ZFPM1: variants seen among roughly 807,000 people sequenced by gnomAD.
ZFPM1 encodes zinc finger protein ZFPM1.
Under a neutral mutation model 46.3 loss-of-function variants are expected in ZFPM1, and 28 were observed. That is an observed-to-expected ratio of 0.60 (90% CI 0.45 to 0.83). The LOEUF (loss-of-function observed/expected upper bound fraction) is 0.83. ZFPM1 is among the 40% of genes least tolerant of loss of function. The pLI is 0.00. For synonymous variants in ZFPM1, 957 were observed against 675.9 expected (o/e 1.42, Z -6.45); for missense variants, 1,878 against 1,432.4 (o/e 1.31, Z -5.02).
chr16:88,489,982 C>T (rs1042685634), intron 3 of ZFPM1, among the ~76,000 whole-genome samples: 2 of 147,588 alleles, frequency 1.4e-5, no homozygotes, highest in Non-Finnish European at 3.0e-5. Flanking sequence ...CAAGGTCCCC[C>T]GTGGAGGAGG....
At chr16:88,527,410 C>T (rs1245249425) in intron 5 of ZFPM1, among the ~76,000 whole-genome samples, 1 of 152,140 alleles carries the variant, frequency 6.6e-6, no homozygotes, top group Non-Finnish European at 1.5e-5. Flanking sequence ...GGGTGGCCTG[C>T]ACCTCCGAGC....
At chr16:88,523,605 G>C (rs77149258) in intron 4 of ZFPM1, among the ~76,000 whole-genome samples, 6,376 of 152,268 alleles carry the variant, frequency 0.042, 180 homozygotes, top group Middle Eastern at 0.082. Flanking sequence ...CCTGTCCCCT[G>C]AGAGGTGTCA....
At chr16:88,518,609 A>T (rs1197500590) in intron 4 of ZFPM1, among the ~76,000 whole-genome samples, 1 of 142,210 alleles carries the variant, frequency 7.0e-6, no homozygotes, top group African/African-American at 2.7e-5. Context: ...TAGCTGGTGG[A>T]TAAGTGGATG....
intron 1 of ZFPM1, among the ~76,000 whole-genome samples, chr16:88,474,956 C>A (rs75065430): frequency 7.2e-5 from 11 of 152,362 alleles, no homozygotes; most frequent in Admixed American, 2.0e-4. Context: ...CAGAGCCAGT[C>A]GCCAGCTAGA....
intron 3 of ZFPM1, among the ~76,000 whole-genome samples, chr16:88,489,631 G>T (rs1162735082): frequency 1.3e-5 from 2 of 152,228 alleles, no homozygotes; most frequent in Admixed American, 6.5e-5. Flanking sequence ...CAGCCTATGG[G>T]GACGGAGTCC....
chr16:88,503,605 G>T (rs75874899), intron 3 of ZFPM1, among the ~76,000 whole-genome samples: 2 of 151,904 alleles, frequency 1.3e-5, no homozygotes, highest in African/African-American at 4.8e-5. Flanking sequence ...GTGGAGCCAG[G>T]TCCTCTCTGA....
At chr16:88,460,941 A>AGGACCCAGGGG (rs1907803288) in intron 1 of ZFPM1, among the ~76,000 whole-genome samples, 2 of 54,670 alleles carry the variant, frequency 3.7e-5, no homozygotes, top group Admixed American at 2.4e-4. Flanking sequence ...AGGCCTGGTG[A>AGGACCCAGGGG]TGACCGAGGG....
chr16:88,516,231 A>T (rs1418970837), intron 4 of ZFPM1: 1 of 398,478 alleles, frequency 2.5e-6, no homozygotes, highest in Non-Finnish European at 4.4e-6. Flanking sequence ...AAGCTCCTTA[A>T]TGGTAGGGCT....
chr16:88,486,657 C>A (rs957968968), intron 2 of ZFPM1, among the ~76,000 whole-genome samples: 1 of 146,668 alleles, frequency 6.8e-6, no homozygotes, highest in Non-Finnish European at 1.5e-5. Context: ...TGGATCGGTC[C>A]TGGGTGCACA....
intron 4 of ZFPM1, among the ~76,000 whole-genome samples, chr16:88,523,461 G>A (rs1280500464): frequency 1.3e-5 from 2 of 152,208 alleles, no homozygotes; most frequent in African/African-American, 4.8e-5. Flanking sequence ...TGGCTCCCAG[G>A]ATGGGCGGGT....
chr16:88,509,687 A>G (rs58282231), intron 3 of ZFPM1, among the ~76,000 whole-genome samples: 27,515 of 151,876 alleles, frequency 0.18, 3,330 homozygotes, highest in African/African-American at 0.34. Flanking sequence ...GAGGCGGGCG[A>G]CTGAGCAGAG....
intron 4 of ZFPM1, among the ~76,000 whole-genome samples, chr16:88,514,870 G>C (rs545560212): frequency 1.4e-4 from 22 of 152,316 alleles, no homozygotes; most frequent in Non-Finnish European, 3.2e-4. Flanking sequence ...TGGGACGGTG[G>C]GGATGCTACA....
intron 6 of ZFPM1, chr16:88,530,757 C>G (rs1298136097): frequency 6.6e-6 from 1 of 152,324 alleles, no homozygotes; most frequent in Non-Finnish European, 1.5e-5. Flanking sequence ...AACAAACCCA[C>G]CCAGTGGCCT....
At chr16:88,528,756 G>A (rs1260555644) in intron 6 of ZFPM1, among the ~76,000 whole-genome samples, 1 of 151,262 alleles carries the variant, frequency 6.6e-6, no homozygotes, top group African/African-American at 2.4e-5. Context: ...TTTTTTTTTC[G>A]AGACAAGGTC....
rs1352051851 is a variant in ZFPM1 at position 88,497,530 on chromosome 16, C to T, written c.268+8377C>T. ...GTCAGGGTGGGGCTCAGGGCCCGGG[C>T]GGGGATGGGGTTCAGCGGGGTCAGG... On this transcript the variant is annotated intron_variant, in intron 3 of 9. Transcript: ENST00000319555. This position sits in a 1 kb window ranked among gnomAD's most constrained non-coding sequence, Gnocchi z 5.4. Among the ~76,000 whole-genome samples, 3 of 30,586 alleles carry T rather than the reference C, an allele frequency of 9.8e-5. No homozygotes were observed. The highest frequency in any genetic ancestry group is 1.2e-3 in the South Asian group (1 of 868). 20.1% of individuals were successfully genotyped at this position (30,586 alleles called of 152,430 possible).
At chr16:88,527,592 C>T (rs573187640) in intron 5 of ZFPM1, among the ~76,000 whole-genome samples, 228 of 152,206 alleles carry the variant, frequency 1.5e-3, no homozygotes, top group Non-Finnish European at 2.3e-3. Context: ...GTGAACAAGC[C>T]GGCCCCGCGC....
chr16:88,503,191 G>C (rs1179585479), intron 3 of ZFPM1, among the ~76,000 whole-genome samples: 2 of 150,918 alleles, frequency 1.3e-5, no homozygotes, highest in Admixed American at 1.3e-4. Context: ...TGTCTGGGGG[G>C]CCACGGTTCC....
At chr16:88,477,172 G>T (rs1429623198) in intron 1 of ZFPM1, among the ~76,000 whole-genome samples, 3 of 152,240 alleles carry the variant, frequency 2.0e-5, no homozygotes, top group African/African-American at 7.2e-5. Context: ...AGGGAGAGAA[G>T]CGGGCACAGT....
intron 1 of ZFPM1, 47 bp downstream of exon 1, chr16:88,453,725 C>G: frequency 8.8e-7 from 1 of 1,138,426 alleles, no homozygotes; most frequent in Non-Finnish European, 1.1e-6. Context: ...CCGACCCCCG[C>G]CGGAGCCCAG....
Sources: allele counts gnomAD v4.1 joint callset (sites outside exome capture counted in the v4.1 genomes callset), GRCh38; gene constraint gnomAD v4.1.1; non-coding constraint Gnocchi (gnomAD v3.1); transcripts MANE v1.5; gene names NCBI Gene and HGNC (gene_info 2026-07-23, HGNC 2026-07-21).